KDM3B: variants seen among roughly 807,000 people sequenced by gnomAD.
KDM3B encodes lysine demethylase 3B.
In KDM3B, 10 loss-of-function variants were observed where a neutral mutation model predicts 170.0. That is an observed-to-expected ratio of 0.06 (90% CI 0.04 to 0.10). The LOEUF (loss-of-function observed/expected upper bound fraction) is 0.10. KDM3B is among the 10% of genes least tolerant of loss of function. The pLI, the probability that KDM3B is intolerant of heterozygous loss-of-function variation, is 1.00. For synonymous variants in KDM3B, 831 were observed against 834.8 expected (o/e 1.00, Z 0.08); for missense variants, 1,394 against 2,195.2 (o/e 0.64, Z 7.29).
Position 138,353,987 on chromosome 5 carries a change from T to A in KDM3B, c.192+1000T>A, listed in dbSNP as rs137975296. ...GCGTGTTGGGGCAGGGGGTGGTCTT[T>A]TGGAATGTAATAGATCAGCAAGCAG... On this transcript the variant is annotated intron_variant, in intron 1 of 23. Transcript: ENST00000314358. 3.4e-3 allele frequency among the ~76,000 whole-genome samples: 513 copies of A among 152,198 alleles called. 1 individual carries two copies. The highest frequency in any genetic ancestry group is 0.012 in the African/African-American group (493 of 41,518).
At chr5:138,416,588 C>CAAAAAAAAAAAAA (rs545925296) in intron 12 of KDM3B, among the ~76,000 whole-genome samples, 12 of 84,178 alleles carry the variant, frequency 1.4e-4, no homozygotes, top group African/African-American at 2.4e-4. Flanking sequence ...GACTCTGTCT[C>CAAAAAAAAAAAAA]AAAAAAAAAA....
In KDM3B at chr5:138,400,007, G is replaced by T. The variant is rs368195001; in HGVS notation, c.3194G>T (p.Arg1065Leu). ...DCYRLRKSRP[R>L]SETEEMGDEE... is the part of the protein sequence containing the mutation. ...TACCGGCTCAGGAAAAGCCGGCCAC[G>T]CAGTGGTAAGTAAACATTGTCCTGT... The change falls in exon 11 of 24, where the codon CGC becomes CTC. Residue 1065 changes from arginine to leucine, a missense_variant. Arg to Leu is a moderately radical substitution (Grantham distance 102). Around this residue, in one of 19 missense-constraint regions of KDM3B, gnomAD observed 44 missense variants for 71.1 expected, o/e 0.62. Transcript: ENST00000314358. 1.9e-6 allele frequency: 3 copies of T among 1,614,138 alleles called. No homozygotes were observed. Among genetic ancestry groups the T allele is most frequent in the Non-Finnish European group, 1.7e-6 (2 of 1,179,998 alleles).
chr5:138,375,287 T>G, intron 3 of KDM3B, 81 bp downstream of exon 3: 1 of 769,442 alleles, frequency 1.3e-6, no homozygotes. Context: ...TAGGTGTTTC[T>G]CCTTTTACTG....
At chr5:138,403,336 TAATC>T (rs139857778) in intron 11 of KDM3B, among the ~76,000 whole-genome samples, 3,950 of 152,084 alleles carry the variant, frequency 0.026, 86 homozygotes, top group South Asian at 0.11. Flanking sequence ...TGAGGAGGGA[TAATC>T]AATCAATAGG....
At position 138,419,666 on chromosome 5, in the gene KDM3B, A is replaced by AT. The variant is rs1476360145; in HGVS notation, c.3715+434_3715+435insT. ...AGACTCTGTCTCAAAAAAAAAAAAA[A>AT]AAATATATATATATATATATATACA... On this transcript the variant is annotated intron_variant, in intron 14 of 23. Transcript: ENST00000314358. Among the ~76,000 whole-genome samples the AT allele has an allele frequency of 6.2e-3, 706 of 113,890 alleles. 19 individuals carry two copies. Among genetic ancestry groups the AT allele is most frequent in the Middle Eastern group, 8.3e-3 (2 of 240 alleles). The allele number at this position is 113,890 out of a possible 152,430, so 74.7% of individuals were successfully genotyped here.
chr5:138,417,790 T>G (rs1484725825), intron 13 of KDM3B, 180 bp downstream of exon 13: 10 of 574,326 alleles, frequency 1.7e-5, no homozygotes, highest in Non-Finnish European at 3.1e-5. Flanking sequence ...TTACCCCTGA[T>G]TGGTACAGTT....
At position 138,427,334 on chromosome 5, in the gene KDM3B, C is replaced by G. The variant is rs775947560; in HGVS notation, c.4633+15C>G. ...CAACGCCTATGGTATGAGGGAGAGG[C>G]TAAAATTGCTCTTTTGGGGGACTGT... is the stretch of plus-strand genomic sequence containing the variant. On this transcript the variant is annotated intron_variant, in intron 19 of 23. Transcript: ENST00000314358. 1 of 1,597,046 alleles carries G rather than the reference C, an allele frequency of 6.3e-7. No homozygotes were observed. The highest frequency in any genetic ancestry group is 8.6e-7 in the Non-Finnish European group (1 of 1,167,514).
At chr5:138,428,129 G>T in intron 20 of KDM3B, 43 bp downstream of exon 20, 1 of 1,587,478 alleles carries the variant, frequency 6.3e-7, no homozygotes, top group Non-Finnish European at 8.6e-7. Context: ...GTGAGGCTTT[G>T]TCTTGGGAAT....
chr5:138,366,260 A>G (rs577262200), intron 1 of KDM3B, among the ~76,000 whole-genome samples: 1 of 152,300 alleles, frequency 6.6e-6, no homozygotes, highest in Admixed American at 6.5e-5. Flanking sequence ...AAAATGCTTT[A>G]TAATTTTCAT....
chr5:138,431,146 C>T (rs1482107451), intron 22 of KDM3B, among the ~76,000 whole-genome samples: 2 of 151,612 alleles, frequency 1.3e-5, no homozygotes, highest in Non-Finnish European at 2.9e-5. Context: ...CGGGGTTTCG[C>T]CATATCACCG....
chr5:138,430,588 C>T (rs1763505069), intron 22 of KDM3B, among the ~76,000 whole-genome samples, 163 bp downstream of exon 22: 1 of 152,168 alleles, frequency 6.6e-6, no homozygotes, highest in Non-Finnish European at 1.5e-5. Flanking sequence ...CATTAAGGCT[C>T]ATTTAAAAAA....
intron 11 of KDM3B, among the ~76,000 whole-genome samples, chr5:138,404,315 G>A (rs999018233): frequency 2.0e-5 from 3 of 152,200 alleles, no homozygotes; most frequent in African/African-American, 7.2e-5. Context: ...CACATTTTGT[G>A]TAGAGTAACA....
At chr5:138,358,417 G>T (rs1272390540) in intron 1 of KDM3B, among the ~76,000 whole-genome samples, 1 of 144,108 alleles carries the variant, frequency 6.9e-6, no homozygotes, top group East Asian at 2.1e-4. Context: ...TGATTCTCCT[G>T]CCTCCAGTCC....
At chr5:138,358,945 C>G (rs1761527091) in intron 1 of KDM3B, among the ~76,000 whole-genome samples, 1 of 130,210 alleles carries the variant, frequency 7.7e-6, no homozygotes, top group South Asian at 3.0e-4. Context: ...CCTCCCCCCT[C>G]CCCCTACCCC....
chr5:138,386,943 T>C (rs1762278619), intron 7 of KDM3B, among the ~76,000 whole-genome samples: 10 of 152,232 alleles, frequency 6.6e-5, no homozygotes, highest in Admixed American at 5.9e-4. Context: ...ATCAAGCCTC[T>C]GCTAGGCCTA....
At chr5:138,361,433 T>C (rs1183880689) in intron 1 of KDM3B, among the ~76,000 whole-genome samples, 1 of 151,862 alleles carries the variant, frequency 6.6e-6, no homozygotes, top group East Asian at 1.9e-4. Flanking sequence ...GAATTGTAAA[T>C]CCACATGCAA....
intron 1 of KDM3B, among the ~76,000 whole-genome samples, chr5:138,356,304 G>T (rs1303496920): frequency 2.6e-5 from 4 of 152,100 alleles, no homozygotes; most frequent in Non-Finnish European, 4.4e-5. Context: ...ATAATGCCAG[G>T]TTATTTTCCA....
intron 22 of KDM3B, 38 bp from the exon 23 acceptor site, chr5:138,431,387 A>C: frequency 6.6e-7 from 1 of 1,518,220 alleles, no homozygotes; most frequent in African/African-American, 1.4e-5. Context: ...TGAATCTCTA[A>C]TGTCTGATAT....
In KDM3B at chr5:138,420,930, C is replaced by T. The variant is rs909841989; in HGVS notation, c.3940C>T (p.Pro1314Ser). Residue 1314 changes from proline to serine, a missense_variant, in exon 15 of 24, where the codon CCC becomes TCC. Pro to Ser is a moderately conservative substitution (Grantham distance 74, BLOSUM62 -1). This residue lies in a region of KDM3B where 137 missense variants were observed against 166.9 expected (regional missense o/e 0.82). Transcript: ENST00000314358. ...TCAAACCCCCTTGGACACAGGCATACCCTTTCCCCCGGTCTTCTCTACATC... is the reference window on the plus strand; with the variant it reads ...TCAAACCCCCTTGGACACAGGCATATCCTTTCCCCCGGTCTTCTCTACATC... ...LPQTPLDTGI[P>S]FPPVFSTSSA... 16 of 1,614,060 alleles carry T rather than the reference C, an allele frequency of 9.9e-6. No homozygotes were observed. Among genetic ancestry groups the T allele is most frequent in the Non-Finnish European group, 1.4e-5 (16 of 1,179,934 alleles).
Sources: allele counts gnomAD v4.1 joint callset (sites outside exome capture counted in the v4.1 genomes callset), GRCh38; gene constraint gnomAD v4.1.1; regional missense constraint gnomAD v4.1.1; transcripts MANE v1.5; gene names NCBI Gene and HGNC (gene_info 2026-07-23, HGNC 2026-07-21).